The following ANGPTL5 variants were observed in gnomAD, a reference collection of about 807,000 sequenced individuals.
ANGPTL5 encodes the protein angiopoietin like 5.
A neutral mutation model predicts 39.4 loss-of-function variants in ANGPTL5; 34 were observed. The ratio of observed to expected loss-of-function variants is 0.86; its 90% CI spans 0.66 to 1.15. The LOEUF is 1.15. ANGPTL5 is among the 50% of genes most tolerant of loss of function. The probability of loss-of-function intolerance (pLI) is 0.00; values close to 1 mark genes in which losing one functional copy is unlikely to be tolerated. For missense variants in ANGPTL5, 467 were observed against 457.5 expected (o/e 1.02, Z -0.19); for synonymous variants, 146 against 152.1 (o/e 0.96, Z 0.29).
rs1211807323 is a variant in ANGPTL5, at chr11:101,907,970, C to A, written c.-61G>T. The A allele has an allele frequency of 1.9e-5, 24 of 1,238,764 alleles. No individual in the cohort carries two copies. In the East Asian group the frequency reaches 5.5e-4, roughly 28 times the overall value. The allele number at this position is 1,238,764 out of a possible 1,614,324, so 76.7% of individuals were successfully genotyped here. A position where few individuals can be genotyped will look rare whatever the true frequency, so the allele number is the denominator to read the frequency against. On this transcript the variant is annotated 5_prime_UTR_variant, in exon 2 of 9. Transcript: ENST00000334289. The stretch of plus-strand genomic sequence containing the variant: ...ATCAGTCAGCTCTTTGTGGAAAGAA[C>A]TACAGAGCATAGAGTCTTCAGTTAA...
chr11:101,907,865 A>G lies in ANGPTL5; in HGVS notation c.45T>C (p.Cys15=), dbSNP rs771770632. The change falls in exon 2 of 9, where the codon TGT becomes TGC. Residue 15 remains cysteine (C), a synonymous_variant. Coordinates refer to ENST00000334289, the MANE Select transcript of ANGPTL5 (RefSeq NM_178127.5). ...SQASLLFLNV[C]IFICGEAVQG... ...GTACAGCTTCTCCACAAATAAAAAT[A>G]CATACATTTAAGAATAAGAGTGAGG... 8.7e-6 allele frequency: 14 copies of G among 1,611,154 alleles called. No homozygotes were observed. Among genetic ancestry groups the G allele is most frequent in the Non-Finnish European group, 1.0e-5 (12 of 1,177,620 alleles).
In ANGPTL5 at chr11:101,904,799, T is replaced by C. The variant is rs1939968980; in HGVS notation, c.439+15A>G. On this transcript the variant is annotated intron_variant, in intron 5 of 8. Transcript: ENST00000334289. ...AAAGACAAACATGAAAAGGCTGAAA[T>C]ACCAAAGTTCTCACCATGTGACTGA... 16 of 1,604,402 alleles carry C rather than the reference T, an allele frequency of 1.0e-5. No homozygotes were observed. Among genetic ancestry groups the C allele is most frequent in the Non-Finnish European group, 1.3e-5 (15 of 1,171,308 alleles).
At chr11:101,906,049 T>A (rs1453455826) in intron 3 of ANGPTL5, among the ~76,000 whole-genome samples, 6 of 152,146 alleles carry the variant, frequency 3.9e-5, no homozygotes, top group Non-Finnish European at 8.8e-5. Context: ...ATTGTCTCAA[T>A]ACTTCTTAAT....
chr11:101,915,397 G>C, intron 1 of ANGPTL5: 1 of 1,613,110 alleles, frequency 6.2e-7, no homozygotes, highest in Non-Finnish European at 8.5e-7. Context: ...GGGCATCACC[G>C]ACCTGGCTCT....
Position 101,902,681 on chromosome 11 carries a change from G to A in ANGPTL5, c.480C>T (p.Val160=), listed in dbSNP as rs767514729. The change falls in exon 6 of 9, where the codon GTC becomes GTT. Residue 160 remains valine, a synonymous_variant. Transcript: ENST00000334289. The part of the protein sequence containing the change: ...CTDIKDTIGS[V]TKTPSGLYII... ...TGTATAAACCACTCGGTGTTTTGGT[G>A]ACAGAGCCAATGGTATCCTTAATAT... The A allele has an allele frequency of 6.2e-7, 1 of 1,611,678 alleles. No homozygotes were observed. The highest frequency in any genetic ancestry group is 8.5e-7 in the Non-Finnish European group (1 of 1,178,338).
intron 7 of ANGPTL5, among the ~76,000 whole-genome samples, chr11:101,896,408 G>C (rs59927719): frequency 0.089 from 13,466 of 151,862 alleles, 1,086 homozygotes; most frequent in East Asian, 0.45. Context: ...TGCAAAATGT[G>C]CAGGTTTGTT....
At chr11:101,901,012 C>T (rs993226740) in intron 6 of ANGPTL5, among the ~76,000 whole-genome samples, 47 of 133,756 alleles carry the variant, frequency 3.5e-4, no homozygotes, top group Non-Finnish European at 3.3e-4. Context: ...CTAGCACCCC[C>T]GGCTTTTTTT....
At chr11:101,910,306 A>G (rs2100073068) in intron 1 of ANGPTL5, among the ~76,000 whole-genome samples, 2 of 151,320 alleles carry the variant, frequency 1.3e-5, no homozygotes, top group Non-Finnish European at 2.9e-5. Context: ...GCTACTCAGG[A>G]GCCTGAGGCA....
chr11:101,910,528 G>A (rs1000414477), intron 1 of ANGPTL5, among the ~76,000 whole-genome samples: 21 of 151,038 alleles, frequency 1.4e-4, no homozygotes, highest in Non-Finnish European at 5.9e-5. Context: ...AAACATCAAC[G>A]ATTTATGAGA....
chr11:101,891,850 G>A (rs1164363472), intron 8 of ANGPTL5, among the ~76,000 whole-genome samples: 1 of 152,150 alleles, frequency 6.6e-6, no homozygotes, highest in African/African-American at 2.4e-5. Flanking sequence ...GAGTTTTGCT[G>A]TGTAGACAAA....
chr11:101,912,721 A>AC (rs528871421), intron 1 of ANGPTL5, among the ~76,000 whole-genome samples: 72 of 152,194 alleles, frequency 4.7e-4, no homozygotes, highest in African/African-American at 1.5e-3. Context: ...GACTGAATAG[A>AC]CCCCCTCTTG....
At position 101,907,933 on chromosome 11, in the gene ANGPTL5, A is replaced by C; in HGVS notation, c.-24T>G. The C allele has an allele frequency of 6.8e-7, 1 of 1,470,146 alleles. No individual in the cohort carries two copies. Among genetic ancestry groups the C allele is most frequent in the Non-Finnish European group, 9.5e-7 (1 of 1,050,552 alleles). The allele number at this position is 1,470,146 out of a possible 1,614,324, so 91.1% of individuals were successfully genotyped here. ...ATATTTTTCTTGGATAGATGAAAAC[A>C]CTTCTTCAAATATCAGTCAGCTCTT... is the stretch of plus-strand genomic sequence containing the variant. On this transcript the variant is annotated 5_prime_UTR_variant, in exon 2 of 9. Coordinates refer to ENST00000334289, the MANE Select transcript of ANGPTL5 (RefSeq NM_178127.5).
At chr11:101,905,006 A>G (rs1939973467) in intron 4 of ANGPTL5, 99 bp from the exon 5 acceptor site, 1 of 819,832 alleles carries the variant, frequency 1.2e-6, no homozygotes, top group Non-Finnish European at 2.0e-6. Context: ...AATGGTGCCC[A>G]TTTTTCTAGA....
intron 8 of ANGPTL5, among the ~76,000 whole-genome samples, chr11:101,892,482 C>T (rs1939719987): frequency 6.6e-6 from 1 of 152,114 alleles, no homozygotes; most frequent in Non-Finnish European, 1.5e-5. Context: ...CCACCCACCT[C>T]GGCCTCCCAA....
intron 1 of ANGPTL5, among the ~76,000 whole-genome samples, chr11:101,908,693 A>G (rs1940040631): frequency 6.6e-6 from 1 of 151,132 alleles, no homozygotes. Context: ...GGCAGGGAGA[A>G]TCGCTTGAAC....
intron 8 of ANGPTL5, 32 bp downstream of exon 8, chr11:101,894,847 C>T (rs1939762789): frequency 6.5e-7 from 1 of 1,548,760 alleles, no homozygotes; most frequent in African/African-American, 1.4e-5. Context: ...TAATTTAGAT[C>T]TGGATAATTT....
intron 1 of ANGPTL5, among the ~76,000 whole-genome samples, chr11:101,910,381 G>A (rs1940068871): frequency 7.0e-6 from 1 of 141,948 alleles, no homozygotes; most frequent in African/African-American, 2.7e-5. Context: ...TTGCACTCCA[G>A]CCTGAACAAC....
chr11:101,893,697 C>T (rs1404092235), intron 8 of ANGPTL5, among the ~76,000 whole-genome samples: 1 of 152,146 alleles, frequency 6.6e-6, no homozygotes, highest in Non-Finnish European at 1.5e-5. Flanking sequence ...TTTTAGAGAG[C>T]AAGCATTGAA....
chr11:101,895,497 C>T (rs572724994), intron 7 of ANGPTL5, among the ~76,000 whole-genome samples: 1 of 152,088 alleles, frequency 6.6e-6, no homozygotes, highest in South Asian at 2.1e-4. Flanking sequence ...GAAGGTTTAA[C>T]CTCCAAATCA....
Sources: allele counts gnomAD v4.1 joint callset (sites outside exome capture counted in the v4.1 genomes callset), GRCh38; gene constraint gnomAD v4.1.1; transcripts MANE v1.5; gene names NCBI Gene and HGNC (gene_info 2026-07-23, HGNC 2026-07-21).